RIC8B: variants seen among roughly 807,000 people sequenced by gnomAD.
RIC8B encodes the protein chaperone Ric-8B.
RIC8B carries 16 observed loss-of-function variants against 57.5 expected under a neutral mutation model. The observed-to-expected ratio is 0.28, with a 90% CI of 0.19 to 0.42. The LOEUF is 0.42. Among genes scored for constraint, RIC8B ranks in the 10% least tolerant of loss-of-function variants. RIC8B has a pLI of 1.00. For missense variants in RIC8B, 481 were observed against 677.0 expected (o/e 0.71, Z 3.21); for synonymous variants, 216 against 250.8 (o/e 0.86, Z 1.31).
rs7134777 is a variant in RIC8B, at chr12:106,888,845, G to A, written c.*2830G>A. The A allele has an allele frequency of 0.17, 26,406 of 152,106 alleles. 2,483 individuals carry two copies. Among genetic ancestry groups the A allele is most frequent in the Middle Eastern group, 0.19 (57 of 294 alleles). 9.4% of individuals were successfully genotyped at this position (152,106 alleles called of 1,614,324 possible). On this transcript the variant is annotated 3_prime_UTR_variant, in exon 10 of 10. Transcript: ENST00000392837. ...GTGTGTCCTAAAATAAAGCATTTGAGCTGCTGCTACAGAGGAACAATCACC... is the reference window on the plus strand; with the variant it reads ...GTGTGTCCTAAAATAAAGCATTTGAACTGCTGCTACAGAGGAACAATCACC...
chr12:106,779,706 T>C (rs982630479), intron 1 of RIC8B, among the ~76,000 whole-genome samples: 1 of 150,406 alleles, frequency 6.6e-6, no homozygotes, highest in African/African-American at 2.4e-5. Flanking sequence ...TTTCAGATAT[T>C]TTCAAGCCAT....
intron 4 of RIC8B, among the ~76,000 whole-genome samples, chr12:106,833,913 A>G (rs1038806481): frequency 6.6e-6 from 1 of 152,044 alleles, no homozygotes; most frequent in Non-Finnish European, 1.5e-5. Context: ...CTAGCTGTTA[A>G]AAGAACCTAG....
chr12:106,863,490 A>G (rs879662002), intron 8 of RIC8B, among the ~76,000 whole-genome samples: 4 of 152,076 alleles, frequency 2.6e-5, no homozygotes, highest in Admixed American at 6.6e-5. Context: ...AGATTTTGCT[A>G]TGCTGCTTCA....
intron 7 of RIC8B, among the ~76,000 whole-genome samples, chr12:106,854,405 T>G (rs17289342): frequency 0.036 from 5,453 of 152,242 alleles, 122 homozygotes; most frequent in South Asian, 0.073. Context: ...AATTTGAAAG[T>G]GAAGGCACCT....
chr12:106,791,351 A>G (rs1034168853), intron 2 of RIC8B, among the ~76,000 whole-genome samples: 1 of 152,208 alleles, frequency 6.6e-6, no homozygotes, highest in African/African-American at 2.4e-5. Context: ...GCATAGGTTC[A>G]TTATATAATT....
intron 9 of RIC8B, among the ~76,000 whole-genome samples, chr12:106,875,651 A>C (rs954635227): frequency 3.9e-5 from 6 of 152,184 alleles, no homozygotes; most frequent in African/African-American, 1.2e-4. Context: ...ATCACTGTCT[A>C]ACAAGATACA....
intron 2 of RIC8B, among the ~76,000 whole-genome samples, chr12:106,809,628 A>G (rs2045239212): frequency 6.6e-6 from 1 of 152,174 alleles, no homozygotes; most frequent in African/African-American, 2.4e-5. Flanking sequence ...CACATAAGCA[A>G]AAAATATTAC....
intron 2 of RIC8B, among the ~76,000 whole-genome samples, chr12:106,795,540 C>T (rs1041093338): frequency 1.3e-5 from 2 of 152,086 alleles, no homozygotes; most frequent in Admixed American, 1.3e-4. Flanking sequence ...GTTTACATAG[C>T]GTGGGGAGGG....
chr12:106,850,947 C>T (rs765990220), intron 6 of RIC8B, among the ~76,000 whole-genome samples: 14 of 151,992 alleles, frequency 9.2e-5, no homozygotes, highest in Admixed American at 2.6e-4. Context: ...ATGTATAACA[C>T]GAGATATTTC....
intron 3 of RIC8B, among the ~76,000 whole-genome samples, chr12:106,825,436 A>G (rs1311623664): frequency 6.6e-6 from 1 of 152,220 alleles, no homozygotes; most frequent in Non-Finnish European, 1.5e-5. Flanking sequence ...TGCACCATAG[A>G]AAAAACGAAT....
At chr12:106,875,752 CCTTTT>C (rs928047485) in intron 9 of RIC8B, among the ~76,000 whole-genome samples, 1 of 151,994 alleles carries the variant, frequency 6.6e-6, no homozygotes, top group African/African-American at 2.4e-5. Context: ...ACCATTTCTT[CCTTTT>C]CTTACTCCTT....
intron 4 of RIC8B, among the ~76,000 whole-genome samples, chr12:106,833,514 T>C (rs536932774): frequency 7.7e-4 from 117 of 152,240 alleles, no homozygotes; most frequent in Non-Finnish European, 1.2e-3. Flanking sequence ...GGCAGGAGAA[T>C]CGTTTGAACC....
chr12:106,799,887 G>A (rs551913222), intron 2 of RIC8B, among the ~76,000 whole-genome samples: 18 of 152,100 alleles, frequency 1.2e-4, no homozygotes, highest in African/African-American at 2.4e-4. Flanking sequence ...TCAAAATACC[G>A]TAGACTGTAT....
rs117592077 is a variant in RIC8B, at chr12:106,813,989, T to G, written c.133-707T>G. The stretch of plus-strand genomic sequence containing the variant: ...CATTCTAGAATTGTTTTTGAGATAT[T>G]GATAGCAAGGTTTGGAACCAGAACT... On this transcript the variant is annotated intron_variant, in intron 2 of 9. Coordinates refer to ENST00000392837, the MANE Select transcript of RIC8B (RefSeq NM_001330145.2). Among the ~76,000 whole-genome samples, 106 of 152,354 alleles carry G rather than the reference T, an allele frequency of 7.0e-4. 1 individual carries two copies. The East Asian group carries it at 0.02, about 29-fold the overall frequency.
intron 3 of RIC8B, among the ~76,000 whole-genome samples, chr12:106,816,828 T>C (rs1164458407): frequency 1.3e-5 from 2 of 152,248 alleles, no homozygotes; most frequent in Non-Finnish European, 2.9e-5. Context: ...ATATCGGAGC[T>C]AGAAGAAGCT....
intron 5 of RIC8B, 32 bp from the exon 6 acceptor site, chr12:106,843,820 A>G (rs1170825759): frequency 1.3e-6 from 2 of 1,509,078 alleles, no homozygotes; most frequent in East Asian, 2.3e-5. Flanking sequence ...AAACTAACGT[A>G]TTTCAAAAAC....
At chr12:106,849,523 T>C (rs1336975653) in intron 6 of RIC8B, among the ~76,000 whole-genome samples, 1 of 143,628 alleles carries the variant, frequency 7.0e-6, no homozygotes, top group Non-Finnish European at 1.6e-5. Flanking sequence ...TTTAAGAAGG[T>C]TAGAAAAAAG....
intron 1 of RIC8B, among the ~76,000 whole-genome samples, chr12:106,782,510 A>G (rs1451392172): frequency 6.6e-6 from 1 of 152,208 alleles, no homozygotes; most frequent in Non-Finnish European, 1.5e-5. Context: ...TTCTACCAGA[A>G]TGCTGGTCTC....
In RIC8B at chr12:106,831,951, A is replaced by C. The variant is rs141849782; in HGVS notation, c.836+6131A>C. Among the ~76,000 whole-genome samples the C allele has an allele frequency of 1.7e-3, 258 of 152,244 alleles. 2 individuals carry two copies. Among genetic ancestry groups the C allele is most frequent in the African/African-American group, 5.8e-3 (240 of 41,568 alleles). The stretch of plus-strand genomic sequence containing the variant: ...AGGAGCCTACCATTCCACAATCTGC[A>C]TGACTTTGTATTCAAGCTACTCTGC... On this transcript the variant is annotated intron_variant, in intron 4 of 9. Coordinates refer to ENST00000392837, the MANE Select transcript of RIC8B (RefSeq NM_001330145.2).
Sources: gnomAD v4.1 joint callset for allele counts (sites outside exome capture counted in the v4.1 genomes callset) on GRCh38, gnomAD v4.1.1 for gene constraint, MANE v1.5 for transcripts, NCBI Gene and HGNC (gene_info 2026-07-23, HGNC 2026-07-21) for gene names.